The following ANKRD11 variants were observed in gnomAD, a reference collection of about 807,000 sequenced individuals.
ANKRD11 encodes the protein ankyrin repeat domain 11.
ANKRD11 carries 17 observed loss-of-function variants against 195.7 expected under a neutral mutation model. The observed-to-expected ratio is 0.09, with a 90% confidence interval of 0.06 to 0.13. The LOEUF is 0.13. Among genes scored for constraint, ANKRD11 ranks in the 10% least tolerant of loss-of-function variants. The pLI is 1.00. For synonymous variants in ANKRD11, 1,953 were observed against 1,528.1 expected (o/e 1.28, Z -6.49); for missense variants, 3,735 against 3,566.1 (o/e 1.05, Z -1.21).
intron 2 of ANKRD11, among the ~76,000 whole-genome samples, chr16:89,404,257 C>G (rs1597301274): frequency 1.3e-5 from 2 of 152,250 alleles, no homozygotes; most frequent in Middle Eastern, 3.4e-3. Flanking sequence ...AGTCTCCTAT[C>G]CACCCTCACC....
intron 2 of ANKRD11, among the ~76,000 whole-genome samples, chr16:89,396,726 G>A (rs898982696): frequency 2.0e-5 from 3 of 152,106 alleles, no homozygotes; most frequent in Non-Finnish European, 2.9e-5. Context: ...TTACTCTGTC[G>A]CCCAGGCTGG....
intron 1 of ANKRD11, among the ~76,000 whole-genome samples, chr16:89,472,951 A>G (rs888560936): frequency 6.6e-6 from 1 of 152,104 alleles, no homozygotes; most frequent in African/African-American, 2.4e-5. Flanking sequence ...GCACTGTGGG[A>G]GGCTGAGGCA....
At chr16:89,458,120 C>A (rs886166434) in intron 1 of ANKRD11, among the ~76,000 whole-genome samples, 1 of 152,130 alleles carries the variant, frequency 6.6e-6, no homozygotes, top group Non-Finnish European at 1.5e-5. Context: ...AAAAAGCTTT[C>A]TGAAACGGTG....
chr16:89,284,942 G>C lies in ANKRD11; in HGVS notation c.1600C>G (p.Gln534Glu), dbSNP rs1412423831. 6.2e-7 allele frequency: 1 copy of C among 1,614,164 alleles called. No individual in the cohort carries two copies. The highest frequency in any genetic ancestry group is 2.2e-5 in the East Asian group (1 of 44,874). The change falls in exon 9 of 13, where the codon CAG (glutamine) becomes GAG (glutamate). Residue 534 changes from glutamine to glutamate, a missense_variant. Transcript: ENST00000301030. Reference sequence around the variant, plus strand: ...TGCTGGTCTGTGTGGCTGGGGTTCTGCTTCTGGGCGGCAGAGCTCCCGTGA... The same window carrying C: ...TGCTGGTCTGTGTGGCTGGGGTTCTCCTTCTGGGCGGCAGAGCTCCCGTGA... ...SSHGSSAAQK[Q>E]NPSHTDQHTK...
intron 12 of ANKRD11, 144 bp from the exon 13 acceptor site, chr16:89,268,807 C>T: frequency 1.1e-6 from 1 of 930,738 alleles, no homozygotes; most frequent in Non-Finnish European, 1.6e-6. Flanking sequence ...TGTACCCGCT[C>T]CTGGCATCTA....
At chr16:89,323,209 C>T (rs865867513) in intron 2 of ANKRD11, 13 of 883,918 alleles carry the variant, frequency 1.5e-5, no homozygotes, top group African/African-American at 1.0e-4. Context: ...AAGTCTCCAA[C>T]GGACTGAGCG....
chr16:89,426,937 T>C (rs1412117541), intron 1 of ANKRD11, among the ~76,000 whole-genome samples: 6 of 152,234 alleles, frequency 3.9e-5, no homozygotes, highest in Non-Finnish European at 5.9e-5. Context: ...CAAGTGGCAG[T>C]AGACATCAGG....
intron 2 of ANKRD11, among the ~76,000 whole-genome samples, chr16:89,379,433 A>ACCCT (rs2040553470): frequency 6.6e-6 from 1 of 152,188 alleles, no homozygotes; most frequent in African/African-American, 2.4e-5. Flanking sequence ...CCTGCTCCAC[A>ACCCT]CCCTGTCAGG....
At chr16:89,379,097 G>C (rs1212008860) in intron 2 of ANKRD11, among the ~76,000 whole-genome samples, 1 of 152,212 alleles carries the variant, frequency 6.6e-6, no homozygotes, top group African/African-American at 2.4e-5. Context: ...CGGCAGTGCG[G>C]ACCAGCCCCA....
At chr16:89,471,253 A>G (rs970609004) in intron 1 of ANKRD11, among the ~76,000 whole-genome samples, 1 of 152,198 alleles carries the variant, frequency 6.6e-6, no homozygotes, top group Admixed American at 6.5e-5. Flanking sequence ...ACTAGTTACT[A>G]TCTGGAAATT....
In ANKRD11 at chr16:89,437,822, C is replaced by T. The variant is rs75420613; in HGVS notation, c.-144-19454G>A. The stretch of plus-strand genomic sequence containing the variant: ...CTCCCAGCTCCAGCAACCCACCCTC[C>T]AGGGCACCTCGACGCTATGCCCAGT... On this transcript the variant is annotated intron_variant, in intron 1 of 12. Coordinates refer to ENST00000301030, the MANE Select transcript of ANKRD11 (RefSeq NM_013275.6). 1.5e-3 allele frequency among the ~76,000 whole-genome samples: 232 copies of T among 152,302 alleles called. 2 individuals are homozygous for T. The highest frequency in any genetic ancestry group is 5.4e-3 in the African/African-American group (223 of 41,574).
chr16:89,323,187 T>C, intron 2 of ANKRD11: 1 of 659,748 alleles, frequency 1.5e-6, no homozygotes, highest in Non-Finnish European at 2.3e-6. Flanking sequence ...TGTGCACACC[T>C]CACAGGGAGA....
intron 2 of ANKRD11, among the ~76,000 whole-genome samples, chr16:89,416,705 G>T (rs1462725148): frequency 6.6e-6 from 1 of 151,668 alleles, no homozygotes; most frequent in African/African-American, 2.4e-5. Flanking sequence ...TGAGGCAGGA[G>T]GATTGCTTGA....
rs762514133 is a variant in ANKRD11, at chr16:89,290,610, G to C, written c.601+15C>G. The C allele has an allele frequency of 3.7e-6, 6 of 1,610,590 alleles. No homozygotes were observed. The East Asian group carries it at 6.7e-5, about 18-fold the overall frequency. The stretch of plus-strand genomic sequence containing the variant: ...AGTGGGGCTCTCTGGCCCTTGCCAG[G>C]CACAGGGTGCCCACCTGCGAAGTCC... On this transcript the variant is annotated intron_variant, in intron 6 of 12. Coordinates refer to ENST00000301030, the MANE Select transcript of ANKRD11 (RefSeq NM_013275.6).
chr16:89,402,525 T>A (rs528289264), intron 2 of ANKRD11, among the ~76,000 whole-genome samples: 1 of 151,052 alleles, frequency 6.6e-6, no homozygotes, highest in African/African-American at 2.4e-5. Context: ...AGAAAAACAT[T>A]TAAAAATTGC....
At chr16:89,302,737 T>C (rs957444742) in intron 4 of ANKRD11, among the ~76,000 whole-genome samples, 2 of 152,248 alleles carry the variant, frequency 1.3e-5, no homozygotes, top group African/African-American at 2.4e-5. Flanking sequence ...TTCTTAGGTC[T>C]TTTTGTTACA....
Position 89,282,072 on chromosome 16 carries a change from G to C in ANKRD11, c.4470C>G (p.Asp1490Glu), listed in dbSNP as rs747406445. The change falls in exon 9 of 13, where the codon GAC (aspartate) becomes GAG (glutamate). Residue 1490 changes from aspartate (D) to glutamate (E), a missense_variant. By Grantham distance (45) the Asp-to-Glu change is conservative. Coordinates refer to ENST00000301030, the MANE Select transcript of ANKRD11 (RefSeq NM_013275.6). Reference protein sequence around the residue: ...HADGLLRHHRDELLRHHRDEQ... With the variant: ...HADGLLRHHREELLRHHRDEQ... The stretch of plus-strand genomic sequence containing the variant: ...CGTCCCTGTGATGCCGCAGGAGCTC[G>C]TCCCTGTGATGCCGCAGCAGCCCAT... 1 of 1,612,914 alleles carries C rather than the reference G, an allele frequency of 6.2e-7. No individual in the cohort carries two copies. Among genetic ancestry groups the C allele is most frequent in the Admixed American group, 1.7e-5 (1 of 59,968 alleles).
At chr16:89,294,755 G>C (rs1185497701) in intron 4 of ANKRD11, among the ~76,000 whole-genome samples, 1 of 152,314 alleles carries the variant, frequency 6.6e-6, no homozygotes, top group Middle Eastern at 3.4e-3. Context: ...CCACACAAGT[G>C]GGTCCCGCAC....
At position 89,282,146 on chromosome 16, in the gene ANKRD11, T is replaced by C. The variant is rs2034306094; in HGVS notation, c.4396A>G (p.Arg1466Gly). ...TCCTTCTCGTCTCTCCATTTCTCCC[T>C]GTGTTTCTCTCTCTTCTTCTTCTCT... is the stretch of plus-strand genomic sequence containing the variant. Reference protein sequence around the residue: ...LKEKKKREKHREKWRDEKERH... With the variant: ...LKEKKKREKHGEKWRDEKERH... The change falls in exon 9 of 13, where the codon AGG becomes GGG. Residue 1466 changes from arginine to glycine, a missense_variant. Arg to Gly is a moderately radical substitution (Grantham distance 125). Coordinates refer to ENST00000301030, the MANE Select transcript of ANKRD11 (RefSeq NM_013275.6). 2 of 1,614,126 alleles carry C rather than the reference T, an allele frequency of 1.2e-6. No individual in the cohort carries two copies. Among genetic ancestry groups the C allele is most frequent in the East Asian group, 4.5e-5 (2 of 44,876 alleles).
Sources: gnomAD v4.1 joint callset for allele counts (sites outside exome capture counted in the v4.1 genomes callset) on GRCh38, gnomAD v4.1.1 for gene constraint, MANE v1.5 for transcripts, NCBI Gene and HGNC (gene_info 2026-07-23, HGNC 2026-07-21) for gene names.